Variants in OTOGL observed in about 807,000 individuals in gnomAD.
OTOGL encodes otogelin-like protein.
OTOGL carries 285 observed loss-of-function variants against 318.5 expected under a neutral mutation model. The ratio of observed to expected loss-of-function variants is 0.89; its 90% CI spans 0.81 to 0.99. OTOGL has a LOEUF of 0.99. Ranked by LOEUF, OTOGL falls within the 50% of genes least tolerant of loss-of-function variation. The pLI is 0.00. For missense variants in OTOGL, 2,899 were observed against 2,845.6 expected, an observed-to-expected ratio of 1.02 and a Z score of -0.43; for synonymous variants, 987 against 936.5, an observed-to-expected ratio of 1.05 and a Z score of -0.99.
At chr12:80,205,264 G>A (rs886376235) in intron 1 of OTOGL, among the ~76,000 whole-genome samples, 1 of 152,166 alleles carries the variant, frequency 6.6e-6, no homozygotes, top group Non-Finnish European at 1.5e-5. Flanking sequence ...AACTGAACTC[G>A]ATGCTAAAAT....
Position 80,294,890 on chromosome 12 carries a change from C to T in OTOGL, c.2929-1937C>T, listed in dbSNP as rs75539239. Among the ~76,000 whole-genome samples the T allele has an allele frequency of 9.2e-3, 1,404 of 152,058 alleles. 20 individuals are homozygous for T. The highest frequency in any genetic ancestry group is 0.032 in the African/African-American group (1,314 of 41,440). On this transcript the variant is annotated intron_variant, in intron 26 of 58. Coordinates refer to ENST00000547103, the MANE Select transcript of OTOGL (RefSeq NM_001378609.3). ...TCGCTTGAGCCCAGTAGTTTGAGAC[C>T]GGCCTGGGTAAACATAGTGACACCC...
intron 24 of OTOGL, among the ~76,000 whole-genome samples, chr12:80,277,285 C>G (rs1883883291): frequency 6.9e-6 from 1 of 145,298 alleles, no homozygotes; most frequent in Admixed American, 6.9e-5. Flanking sequence ...GTTAACACTT[C>G]TAGAAAAAAA....
intron 26 of OTOGL, among the ~76,000 whole-genome samples, chr12:80,290,647 A>G (rs1371542161): frequency 6.6e-6 from 1 of 152,176 alleles, no homozygotes; most frequent in African/African-American, 2.4e-5. Context: ...AGATTCTGTG[A>G]AGCTTTATTT....
chr12:80,213,797 G>A, intron 4 of OTOGL, among the ~76,000 whole-genome samples: 1 of 152,168 alleles, frequency 6.6e-6, no homozygotes, highest in East Asian at 1.9e-4. Flanking sequence ...TTTAAAAGAA[G>A]AGCGGGCAAT....
intron 11 of OTOGL, among the ~76,000 whole-genome samples, chr12:80,243,852 C>CATATAT (rs771780739): frequency 1.8e-4 from 25 of 142,818 alleles, no homozygotes; most frequent in African/African-American, 5.2e-4. Flanking sequence ...ATCATATATA[C>CATATAT]ATATATATAT....
At chr12:80,179,427 A>G (rs147283839) in intron 1 of OTOGL, among the ~76,000 whole-genome samples, 2,209 of 152,230 alleles carry the variant, frequency 0.015, 24 homozygotes, top group Non-Finnish European at 0.025. Flanking sequence ...GGAGGTGAAA[A>G]CTTCTTAAAT....
intron 56 of OTOGL, 40 bp downstream of exon 56, chr12:80,370,729 T>C (rs751095131): frequency 5.7e-6 from 8 of 1,398,566 alleles, no homozygotes; most frequent in Non-Finnish European, 7.7e-6. Context: ...TATTATTATA[T>C]AATTTAGAAA....
chr12:80,201,163 T>G (rs1876425582), intron 1 of OTOGL, among the ~76,000 whole-genome samples: 1 of 152,206 alleles, frequency 6.6e-6, no homozygotes, highest in Non-Finnish European at 1.5e-5. Context: ...GAATTATTTT[T>G]CTTGCCAAAG....
At chr12:80,360,173 T>C (rs1359025729) in intron 52 of OTOGL, among the ~76,000 whole-genome samples, 1 of 152,216 alleles carries the variant, frequency 6.6e-6, no homozygotes, top group Non-Finnish European at 1.5e-5. Context: ...ATAATTTAAA[T>C]GCTTAGTGTC....
intron 42 of OTOGL, 23 bp from the exon 43 acceptor site, chr12:80,339,052 C>T (rs377310897): frequency 4.9e-5 from 75 of 1,515,324 alleles, no homozygotes; most frequent in Admixed American, 1.3e-4. Flanking sequence ...TATTTCTTAA[C>T]AGGTGTATTT....
intron 29 of OTOGL, 99 bp downstream of exon 29, chr12:80,305,794 A>T: frequency 2.0e-6 from 2 of 998,412 alleles, no homozygotes; most frequent in Non-Finnish European, 2.7e-6. Context: ...TATTTTACAT[A>T]CTATTTTCAT....
chr12:80,277,180 TGAC>T (rs979597096), intron 24 of OTOGL, among the ~76,000 whole-genome samples: 33 of 147,356 alleles, frequency 2.2e-4, no homozygotes, highest in Non-Finnish European at 3.2e-4. Flanking sequence ...ATTTAAATAA[TGAC>T]AACTAATTTT....
chr12:80,187,908 G>A (rs546273520), intron 1 of OTOGL, among the ~76,000 whole-genome samples: 75 of 152,242 alleles, frequency 4.9e-4, no homozygotes, highest in East Asian at 1.9e-4. Flanking sequence ...GAAGGTCACC[G>A]GATTGCTGCC....
intron 26 of OTOGL, among the ~76,000 whole-genome samples, chr12:80,291,128 G>A (rs1383996462): frequency 6.6e-6 from 1 of 152,168 alleles, no homozygotes; most frequent in Non-Finnish European, 1.5e-5. Flanking sequence ...GTCCTGGCAA[G>A]AGGAAACTAT....
chr12:80,212,555 A>G (rs1384873445), intron 4 of OTOGL, among the ~76,000 whole-genome samples: 1 of 152,096 alleles, frequency 6.6e-6, no homozygotes, highest in African/African-American at 2.4e-5. Flanking sequence ...CTTTATATGA[A>G]GGATAATTGC....
chr12:80,217,578 C>T lies in OTOGL; in HGVS notation c.169-20C>T. 1 of 1,481,492 alleles carries T rather than the reference C, an allele frequency of 6.7e-7. No individual in the cohort carries two copies. The highest frequency in any genetic ancestry group is 9.2e-7 in the Non-Finnish European group (1 of 1,091,914). 91.8% of individuals were successfully genotyped at this position (1,481,492 alleles called of 1,614,324 possible). A position where few individuals can be genotyped will look rare whatever the true frequency, so the allele number is the denominator to read the frequency against. On this transcript the variant is annotated intron_variant, in intron 4 of 58. Coordinates refer to ENST00000547103, the MANE Select transcript of OTOGL (RefSeq NM_001378609.3). ...TTAAATAATTTAACTGTATTGCATT[C>T]TCATTTCTTTCTTTCAAAGTTTGAA... is the stretch of plus-strand genomic sequence containing the variant.
At chr12:80,168,281 C>T (rs1156306516) in intron 1 of OTOGL, among the ~76,000 whole-genome samples, 1 of 152,108 alleles carries the variant, frequency 6.6e-6, no homozygotes. Context: ...TCCTCCACTA[C>T]AAAATGCTCA....
At chr12:80,199,895 A>T (rs1455501102) in intron 1 of OTOGL, among the ~76,000 whole-genome samples, 1 of 152,218 alleles carries the variant, frequency 6.6e-6, no homozygotes, top group African/African-American at 2.4e-5. Flanking sequence ...TTACAGGATC[A>T]AGTCCATACA....
At chr12:80,305,790 A>G in intron 29 of OTOGL, 95 bp downstream of exon 29, 1 of 1,021,186 alleles carries the variant, frequency 9.8e-7, no homozygotes, top group Non-Finnish European at 1.3e-6. Flanking sequence ...ATATTATTTT[A>G]CATACTATTT....
Sources: allele counts gnomAD v4.1 joint callset (sites outside exome capture counted in the v4.1 genomes callset), GRCh38; gene constraint gnomAD v4.1.1; transcripts MANE v1.5; gene names NCBI Gene and HGNC (gene_info 2026-07-23, HGNC 2026-07-21).